TRPV1: variants seen among roughly 807,000 people sequenced by gnomAD.
TRPV1 encodes transient receptor potential cation channel subfamily V member 1.
A neutral mutation model predicts 82.3 loss-of-function variants in TRPV1; 82 were observed. The observed-to-expected ratio is 1.00, with a 90% confidence interval of 0.83 to 1.20. The LOEUF (loss-of-function observed/expected upper bound fraction) is 1.20, where lower values mean the gene tolerates loss of function less well. Among genes scored for constraint, TRPV1 ranks in the 50% most tolerant of loss-of-function variants. The probability of loss-of-function intolerance (pLI) is 0.00; values close to 1 mark genes in which losing one functional copy is unlikely to be tolerated. For missense variants in TRPV1, 1,067 were observed against 1,096.8 expected (o/e 0.97, Z 0.38); for synonymous variants, 515 against 467.7 (o/e 1.10, Z -1.30).
chr17:3,596,870 T>G (rs543673249), intron 2 of TRPV1: 1 of 152,422 alleles, frequency 6.6e-6, no homozygotes, highest in South Asian at 2.1e-4. Flanking sequence ...CTATGCCATC[T>G]TAAAAGCTAA....
At chr17:3,577,932 C>T (rs542581660) in intron 11 of TRPV1, 169 bp from the exon 12 acceptor site, 849 of 616,312 alleles carry the variant, frequency 1.4e-3, no homozygotes, top group Admixed American at 1.3e-3. Context: ...GAAGCAGCAT[C>T]GTCCCCAAGG....
intron 2 of TRPV1, among the ~76,000 whole-genome samples, chr17:3,598,818 C>T (rs1330600885): frequency 1.3e-5 from 2 of 150,692 alleles, no homozygotes; most frequent in African/African-American, 2.4e-5. Flanking sequence ...CCACCTGCCT[C>T]GGCCTCCCAA....
chr17:3,593,744 G>T (rs1054707722), intron 2 of TRPV1, among the ~76,000 whole-genome samples: 2 of 152,188 alleles, frequency 1.3e-5, no homozygotes, highest in Admixed American at 1.3e-4. Flanking sequence ...ATGTGGTCCA[G>T]CAATTGCTAT....
At chr17:3,595,260 T>A (rs2075208768) in intron 2 of TRPV1, among the ~76,000 whole-genome samples, 1 of 152,102 alleles carries the variant, frequency 6.6e-6, no homozygotes, top group Admixed American at 6.6e-5. Context: ...ACTTCACCGA[T>A]GAGGAGACCG....
chr17:3,583,451 G>T, intron 9 of TRPV1, 21 bp from the exon 10 acceptor site: 1 of 1,560,916 alleles, frequency 6.4e-7, no homozygotes, highest in South Asian at 1.2e-5. Context: ...CAGAGAAGTT[G>T]GTAACTCCAT....
At chr17:3,602,833 G>C (rs527810518) in intron 2 of TRPV1, among the ~76,000 whole-genome samples, 4 of 152,096 alleles carry the variant, frequency 2.6e-5, no homozygotes, top group Non-Finnish European at 5.9e-5. Context: ...CTCAAGATTC[G>C]AGCCCCAGCC....
Position 3,585,809 on chromosome 17 carries a change from T to C in TRPV1, c.1342A>G (p.Ile448Val), listed in dbSNP as rs200013233. The change falls in exon 9 of 17, where the codon ATC becomes GTC. Residue 448 changes from isoleucine (I) to valine (V), a missense_variant. Ile to Val is a conservative substitution (Grantham distance 29, BLOSUM62 3). Coordinates refer to ENST00000572705, the MANE Select transcript of TRPV1 (RefSeq NM_080704.4). ...CTGTAGTAGGCAGCCATGGTGAAGA[T>C]GATCATGTACAGGCAGTAGACCAGG... The part of the protein sequence containing the change: ...NFLVYCLYMI[I>V]FTMAAYYRPV... 6.2e-7 allele frequency: 1 copy of C among 1,613,658 alleles called. No homozygotes were observed. The highest frequency in any genetic ancestry group is 8.5e-7 in the Non-Finnish European group (1 of 1,179,774).
chr17:3,578,168 CATG>C (rs1462513011), intron 11 of TRPV1: 2 of 166,476 alleles, frequency 1.2e-5, no homozygotes, highest in East Asian at 3.0e-4. Context: ...TTTAGCCAGG[CATG>C]GTGGTGCACG....
intron 10 of TRPV1, among the ~76,000 whole-genome samples, chr17:3,582,772 A>C (rs1485787284): frequency 6.6e-6 from 1 of 152,014 alleles, no homozygotes; most frequent in Non-Finnish European, 1.5e-5. Context: ...AGCCTGGCCA[A>C]CATGGTGAAA....
chr17:3,607,814 G>A (rs2075307053), intron 2 of TRPV1, among the ~76,000 whole-genome samples: 1 of 152,058 alleles, frequency 6.6e-6, no homozygotes, highest in Non-Finnish European at 1.5e-5. Flanking sequence ...TGGGATTACA[G>A]GTGTGAGCCC....
intron 5 of TRPV1, 86 bp downstream of exon 5, chr17:3,590,878 G>A (rs1228968654): frequency 3.4e-6 from 5 of 1,465,274 alleles, no homozygotes; most frequent in Non-Finnish European, 3.6e-6. Context: ...GGATCCCAGA[G>A]AAGCAAGGAG....
At position 3,585,776 on chromosome 17, in the gene TRPV1, C is replaced by T; in HGVS notation, c.1375G>A (p.Asp459Asn). The T allele has an allele frequency of 6.2e-7, 1 of 1,613,186 alleles. No homozygotes were observed. Among genetic ancestry groups the T allele is most frequent in the African/African-American group, 1.3e-5 (1 of 75,028 alleles). Residue 459 changes from aspartate to asparagine, a missense_variant, in exon 9 of 17, where the codon GAT (aspartate) becomes AAT (asparagine). Transcript: ENST00000572705. ...FTMAAYYRPV[D>N]GLPPFKMEKT... ...TGAGCCTCTGGCCGCACCAAGCCAT[C>T]CACGGGCCTGTAGTAGGCAGCCATG...
chr17:3,584,445 G>A (rs1171256000), intron 9 of TRPV1, among the ~76,000 whole-genome samples: 1 of 144,222 alleles, frequency 6.9e-6, no homozygotes, highest in Non-Finnish European at 1.5e-5. Context: ...AAGTCATTAT[G>A]TGGCCTTAAT....
intron 10 of TRPV1, among the ~76,000 whole-genome samples, chr17:3,582,428 A>C (rs1249915248): frequency 1.3e-5 from 2 of 152,054 alleles, no homozygotes; most frequent in East Asian, 3.8e-4. Context: ...AAACAAAAAC[A>C]AAAACCAATG....
intron 2 of TRPV1, among the ~76,000 whole-genome samples, chr17:3,603,135 AAAATT>A (rs1239871484): frequency 8.1e-6 from 1 of 123,780 alleles, no homozygotes; most frequent in Non-Finnish European, 1.9e-5. Flanking sequence ...AATTAAAATT[AAAATT>A]AAAAAAAAAA....
intron 2 of TRPV1, among the ~76,000 whole-genome samples, chr17:3,604,672 C>T (rs1215701293): frequency 4.6e-5 from 7 of 151,878 alleles, no homozygotes; most frequent in African/African-American, 1.7e-4. Flanking sequence ...ATGAAAGCCA[C>T]ATACACATGA....
intron 16 of TRPV1, among the ~76,000 whole-genome samples, chr17:3,569,352 A>G (rs2074817194): frequency 2.0e-5 from 3 of 152,182 alleles, no homozygotes; most frequent in Admixed American, 2.0e-4. Context: ...ACTTGAACCC[A>G]GAAGGCGGAG....
intron 2 of TRPV1, among the ~76,000 whole-genome samples, chr17:3,602,888 G>A (rs565594637): frequency 2.0e-5 from 3 of 152,280 alleles, no homozygotes; most frequent in Non-Finnish European, 4.4e-5. Flanking sequence ...TTGGGAGGCC[G>A]AGGCGGGTGG....
Position 3,590,370 on chromosome 17 carries a change from G to A in TRPV1, c.627C>T (p.Ala209=), listed in dbSNP as rs757638558. The change falls in exon 6 of 17, where the codon GCC becomes GCT. Residue 209 remains alanine, a synonymous_variant. Transcript: ENST00000572705. ...YYKGQTALHI[A]IERRNMALVT... ...CCAGGGCCATGTTGCGTCTCTCGAT[G>A]GCGATGTGCAGTGCTGTCTGGCCTA... 1.9e-6 allele frequency: 3 copies of A among 1,613,982 alleles called. No individual in the cohort carries two copies. Among genetic ancestry groups the A allele is most frequent in the Non-Finnish European group, 1.7e-6 (2 of 1,179,896 alleles).
Sources: gnomAD v4.1 joint callset for allele counts (sites outside exome capture counted in the v4.1 genomes callset) on GRCh38, gnomAD v4.1.1 for gene constraint, MANE v1.5 for transcripts, NCBI Gene and HGNC (gene_info 2026-07-23, HGNC 2026-07-21) for gene names.